CSMD3: variants seen among roughly 807,000 people sequenced by gnomAD.
CSMD3 encodes the protein CUB and sushi domain-containing protein 3.
Under a neutral mutation model 435.2 loss-of-function variants are expected in CSMD3, and 177 were observed. That is an observed-to-expected ratio of 0.41 (90% confidence interval 0.36 to 0.46). CSMD3 has a LOEUF of 0.46. CSMD3 is among the 20% of genes least tolerant of loss of function. The pLI is 0.34. For missense variants in CSMD3, 4,265 were observed against 4,504.6 expected (o/e 0.95, Z 1.52); for synonymous variants, 1,656 against 1,520.5 (o/e 1.09, Z -2.07).
At chr8:112,389,309 T>C (rs1454513534) in intron 36 of CSMD3, among the ~76,000 whole-genome samples, 1 of 152,184 alleles carries the variant, frequency 6.6e-6, no homozygotes, top group African/African-American at 2.4e-5. Context: ...CCAGATGATG[T>C]GGTAAAAGTT....
At chr8:113,148,259 T>G (rs547333224) in intron 4 of CSMD3, among the ~76,000 whole-genome samples, 1 of 151,778 alleles carries the variant, frequency 6.6e-6, no homozygotes, top group East Asian at 2.0e-4. Context: ...TTCCATCTGC[T>G]TAAAATGCTC....
intron 21 of CSMD3, 56 bp from the exon 22 acceptor site, chr8:112,637,061 T>C (rs2074681734): frequency 8.2e-6 from 11 of 1,345,744 alleles, no homozygotes; most frequent in Non-Finnish European, 7.5e-6. Flanking sequence ...AAGAAAATGA[T>C]AGTGGTTACT....
At chr8:113,412,566 T>C (rs944221306) in intron 1 of CSMD3, among the ~76,000 whole-genome samples, 1 of 152,154 alleles carries the variant, frequency 6.6e-6, no homozygotes, top group Admixed American at 6.5e-5. Flanking sequence ...TAAAAGATGA[T>C]ATATCAACTT....
At chr8:112,454,165 A>G (rs1290345036) in intron 32 of CSMD3, among the ~76,000 whole-genome samples, 1 of 152,200 alleles carries the variant, frequency 6.6e-6, no homozygotes, top group Non-Finnish European at 1.5e-5. Flanking sequence ...AATGTAGGAA[A>G]TACCATTCTG....
intron 4 of CSMD3, among the ~76,000 whole-genome samples, chr8:113,162,537 C>T (rs2092063118): frequency 6.7e-6 from 1 of 149,184 alleles, no homozygotes; most frequent in African/African-American, 2.5e-5. Flanking sequence ...TGCACTCCAG[C>T]CTGGGCAACA....
intron 1 of CSMD3, among the ~76,000 whole-genome samples, chr8:113,331,205 G>A (rs890217151): frequency 6.6e-6 from 1 of 151,124 alleles, no homozygotes; most frequent in African/African-American, 2.4e-5. Flanking sequence ...CAAATGAAAT[G>A]AACAAATTCC....
intron 4 of CSMD3, among the ~76,000 whole-genome samples, chr8:113,160,711 T>C (rs184022942): frequency 2.3e-3 from 345 of 152,178 alleles, no homozygotes; most frequent in African/African-American, 7.9e-3. Context: ...AAAGATAAAT[T>C]ATTCAAAAAT....
chr8:112,619,358 C>T (rs1372890206), intron 22 of CSMD3, among the ~76,000 whole-genome samples: 1 of 151,768 alleles, frequency 6.6e-6, no homozygotes, highest in Non-Finnish European at 1.5e-5. Flanking sequence ...GATTTAAGCT[C>T]CAGGTTTATT....
chr8:112,336,504 A>G (rs1824569421), intron 44 of CSMD3, 148 bp downstream of exon 44: 2 of 688,894 alleles, frequency 2.9e-6, no homozygotes, highest in East Asian at 2.6e-5. Flanking sequence ...ATGTAATTCT[A>G]CAAGACACAT....
At chr8:112,791,890 T>C (rs564921203) in intron 13 of CSMD3, among the ~76,000 whole-genome samples, 2 of 152,174 alleles carry the variant, frequency 1.3e-5, no homozygotes, top group Non-Finnish European at 2.9e-5. Context: ...CAAGCCAACA[T>C]TTTTTAATCT....
At chr8:113,220,584 C>T (rs1163712737) in intron 3 of CSMD3, among the ~76,000 whole-genome samples, 1 of 151,430 alleles carries the variant, frequency 6.6e-6, no homozygotes, top group Admixed American at 6.6e-5. Context: ...AGGCAGTTCT[C>T]TTGCTTATAC....
intron 6 of CSMD3, among the ~76,000 whole-genome samples, chr8:112,978,265 C>T (rs1435269868): frequency 6.6e-6 from 1 of 151,948 alleles, no homozygotes; most frequent in African/African-American, 2.4e-5. Flanking sequence ...GCACGCCTAC[C>T]TTTACCAAAG....
At chr8:113,329,225 A>AAATAAATAAATC in intron 1 of CSMD3, among the ~76,000 whole-genome samples, 1 of 151,132 alleles carries the variant, frequency 6.6e-6, no homozygotes. Context: ...ATAAATAAAT[A>AAATAAATAAATC]AATAAATAAG....
chr8:112,942,759 C>T (rs1341732389), intron 9 of CSMD3, among the ~76,000 whole-genome samples: 2 of 151,654 alleles, frequency 1.3e-5, no homozygotes, highest in Non-Finnish European at 1.5e-5. Context: ...ACTTATTGGG[C>T]ATTATGCATA....
intron 22 of CSMD3, among the ~76,000 whole-genome samples, chr8:112,599,274 A>G (rs1563752423): frequency 6.6e-6 from 1 of 151,782 alleles, no homozygotes; most frequent in East Asian, 1.9e-4. Context: ...AAAAATGCTC[A>G]TCACCACTGG....
chr8:112,552,849 A>G, intron 25 of CSMD3, 129 bp from the exon 26 acceptor site: 1 of 768,644 alleles, frequency 1.3e-6, no homozygotes, highest in Non-Finnish European at 2.1e-6. Flanking sequence ...ATTTGTATAA[A>G]CTTTTAAAGT....
chr8:113,325,805 T>C (rs1416762857), intron 1 of CSMD3, among the ~76,000 whole-genome samples: 1 of 152,182 alleles, frequency 6.6e-6, no homozygotes, highest in Non-Finnish European at 1.5e-5. Flanking sequence ...GAATGTGTCA[T>C]AATTCCAATG....
chr8:112,250,462 T>C (rs898647535), intron 63 of CSMD3, among the ~76,000 whole-genome samples: 2 of 151,612 alleles, frequency 1.3e-5, no homozygotes, highest in Non-Finnish European at 3.0e-5. Flanking sequence ...CAAAATTTTC[T>C]CTAAATATCA....
At chr8:112,293,934 C>T (rs1820017402) in intron 54 of CSMD3, among the ~76,000 whole-genome samples, 1 of 152,000 alleles carries the variant, frequency 6.6e-6, no homozygotes, top group Admixed American at 6.6e-5. Flanking sequence ...CCAGTTTTAC[C>T]CTAAGGGCCA....
Sources: gnomAD v4.1 joint callset for allele counts (sites outside exome capture counted in the v4.1 genomes callset) on GRCh38, gnomAD v4.1.1 for gene constraint, MANE v1.5 for transcripts, NCBI Gene and HGNC (gene_info 2026-07-23, HGNC 2026-07-21) for gene names.